The following CUX2 variants were observed in gnomAD, a reference collection of about 807,000 sequenced individuals.
The protein encoded by CUX2 is homeobox protein cut-like 2.
A neutral mutation model predicts 144.8 loss-of-function variants in CUX2; 40 were observed. The ratio of observed to expected loss-of-function variants is 0.28; its 90% CI spans 0.21 to 0.36. The LOEUF is 0.36. CUX2 is among the 10% of genes least tolerant of loss of function. CUX2 has a pLI of 1.00. For missense variants in CUX2, 1,615 were observed against 1,994.0 expected, an observed-to-expected ratio of 0.81 and a Z score of 3.62; for synonymous variants, 827 against 875.6, an observed-to-expected ratio of 0.94 and a Z score of 0.98.
intron 2 of CUX2, among the ~76,000 whole-genome samples, chr12:111,217,469 G>A (rs140044929): frequency 6.6e-6 from 1 of 152,250 alleles, no homozygotes; most frequent in Non-Finnish European, 1.5e-5. Flanking sequence ...TTTAAGGAAG[G>A]GCTTTCATGT....
chr12:111,100,948 G>A (rs1355763885), intron 1 of CUX2, among the ~76,000 whole-genome samples: 1 of 152,182 alleles, frequency 6.6e-6, no homozygotes, highest in African/African-American at 2.4e-5. Context: ...CTCAGCCCCA[G>A]CTCCAGTCAG....
At chr12:111,224,516 C>CTTTTTTTTTT (rs34109440) in intron 3 of CUX2, among the ~76,000 whole-genome samples, 3 of 77,216 alleles carry the variant, frequency 3.9e-5, no homozygotes, top group Non-Finnish European at 7.6e-5. Flanking sequence ...AATTACAGGG[C>CTTTTTTTTTT]TTTTTTTTTT....
chr12:111,105,091 G>C (rs368547222), intron 1 of CUX2, among the ~76,000 whole-genome samples: 1 of 152,156 alleles, frequency 6.6e-6, no homozygotes, highest in Non-Finnish European at 1.5e-5. Flanking sequence ...TGGGCTCATC[G>C]CTATCCCCAG....
chr12:111,050,201 C>T (rs1343990830), intron 1 of CUX2, among the ~76,000 whole-genome samples: 1 of 151,424 alleles, frequency 6.6e-6, no homozygotes, highest in Non-Finnish European at 1.5e-5. Flanking sequence ...ACATTCTCTT[C>T]ATTTTCCTCC....
In CUX2 at chr12:111,158,993, G is replaced by C. The variant is rs572460528; in HGVS notation, c.64-55207G>C. 9.2e-5 allele frequency among the ~76,000 whole-genome samples: 14 copies of C among 152,290 alleles called. No homozygotes were observed. In the South Asian group the frequency reaches 2.5e-3, roughly 27 times the overall value. ...TGAACACAGAGGGGCGCAGGAAATG[G>C]GAGCAAGGTGCTGTCCCTCAGGCCT... On this transcript the variant is annotated intron_variant, in intron 1 of 21. Coordinates refer to ENST00000261726, the MANE Select transcript of CUX2 (RefSeq NM_015267.4).
chr12:111,050,284 C>T (rs1870201660), intron 1 of CUX2, among the ~76,000 whole-genome samples: 1 of 152,028 alleles, frequency 6.6e-6, no homozygotes, highest in African/African-American at 2.4e-5. Context: ...TATGTTGGTC[C>T]TTTCAAGGTC....
chr12:111,173,815 T>C (rs1050190345), intron 1 of CUX2, among the ~76,000 whole-genome samples: 1 of 152,224 alleles, frequency 6.6e-6, no homozygotes, highest in East Asian at 1.9e-4. Context: ...TCAGTAGGTC[T>C]GGAGCCCGTC....
At chr12:111,218,717 C>A (rs1009033820) in intron 3 of CUX2, among the ~76,000 whole-genome samples, 10 of 152,146 alleles carry the variant, frequency 6.6e-5, no homozygotes, top group African/African-American at 9.7e-5. Context: ...ACCAGAAATT[C>A]TTTGCACCAG....
rs900520646 is a variant in CUX2, at chr12:111,171,124, C to T, written c.64-43076C>T. On this transcript the variant is annotated intron_variant, in intron 1 of 21. Coordinates refer to ENST00000261726, the MANE Select transcript of CUX2 (RefSeq NM_015267.4). This position sits in a 1 kb window ranked among gnomAD's most constrained non-coding sequence, Gnocchi z 5.0. ...AGGTGCTGGTAACACCTGGAGTCATCCCAGCAGGTGTCAGTGGCTGATTCC... is the reference window on the plus strand; with the variant it reads ...AGGTGCTGGTAACACCTGGAGTCATTCCAGCAGGTGTCAGTGGCTGATTCC... Among the ~76,000 whole-genome samples, 2 of 152,108 alleles carry T rather than the reference C, an allele frequency of 1.3e-5. No homozygotes were observed. Among genetic ancestry groups the T allele is most frequent in the Non-Finnish European group, 2.9e-5 (2 of 68,030 alleles).
intron 1 of CUX2, among the ~76,000 whole-genome samples, chr12:111,150,190 C>G (rs1003842841): frequency 5.3e-5 from 8 of 152,306 alleles, no homozygotes; most frequent in Non-Finnish European, 8.8e-5. Context: ...CAGCTAAATG[C>G]GAAGTGGCAA....
chr12:111,211,152 T>G (rs908392764), intron 1 of CUX2, among the ~76,000 whole-genome samples: 1 of 152,122 alleles, frequency 6.6e-6, no homozygotes, highest in East Asian at 1.9e-4. Context: ...ATTATTGGTG[T>G]TAGTGTGTTT....
chr12:111,248,490 T>C lies in CUX2; in HGVS notation c.223-15271T>C, dbSNP rs564546942. On this transcript the variant is annotated intron_variant, in intron 3 of 21. Transcript: ENST00000261726. ...AGCCATAGGGGGAGGAGGTGGATGC[T>C]GCCTGGAAGCAGAAGTAGGACAAGG... 9.7e-4 allele frequency among the ~76,000 whole-genome samples: 148 copies of C among 152,068 alleles called. 1 individual carries two copies. Among genetic ancestry groups the C allele is most frequent in the African/African-American group, 3.3e-3 (137 of 41,462 alleles).
chr12:111,075,817 C>T (rs954140461), intron 1 of CUX2, among the ~76,000 whole-genome samples: 7 of 152,042 alleles, frequency 4.6e-5, no homozygotes, highest in Non-Finnish European at 1.0e-4. Flanking sequence ...AGCAAGAGGC[C>T]CCTGCCAGGT....
At chr12:111,098,857 A>G (rs1362910895) in intron 1 of CUX2, among the ~76,000 whole-genome samples, 1 of 152,244 alleles carries the variant, frequency 6.6e-6, no homozygotes, top group Non-Finnish European at 1.5e-5. Flanking sequence ...TGCACTTAGC[A>G]GCCGCCCATG....
At chr12:111,313,943 G>T (rs184588010) in intron 16 of CUX2, among the ~76,000 whole-genome samples, 115 of 152,250 alleles carry the variant, frequency 7.6e-4, no homozygotes, top group Middle Eastern at 3.4e-3. Context: ...TGCAGTGTCT[G>T]CTGCCCCCTG....
In CUX2 at chr12:111,171,610, G is replaced by A. The variant is rs1379658023; in HGVS notation, c.64-42590G>A. Among the ~76,000 whole-genome samples the A allele has an allele frequency of 6.6e-6, 1 of 152,176 alleles. No homozygotes were observed. Among genetic ancestry groups the A allele is most frequent in the Non-Finnish European group, 1.5e-5 (1 of 68,030 alleles). ...CTGACACATCTGGGGCTATGGGACG[G>A]AAAAGCCCAGAGTGCCCTCTCTGAG... On this transcript the variant is annotated intron_variant, in intron 1 of 21. Coordinates refer to ENST00000261726, the MANE Select transcript of CUX2 (RefSeq NM_015267.4). The surrounding 1 kb of genome is among the most constrained non-coding windows in gnomAD (Gnocchi z 5.0).
chr12:111,308,319 T>A lies in CUX2; in HGVS notation c.1144T>A (p.Cys382Ser). The A allele has an allele frequency of 1.9e-6, 3 of 1,614,164 alleles. No individual in the cohort carries two copies. Among genetic ancestry groups the A allele is most frequent in the Non-Finnish European group, 2.5e-6 (3 of 1,180,014 alleles). Residue 382 changes from cysteine (C) to serine (S), a missense_variant, in exon 13 of 22, where the codon TGC becomes AGC. Cys to Ser is a moderately radical substitution (Grantham distance 112). Around this residue, in one of 12 missense-constraint regions of CUX2, gnomAD observed 57 missense variants for 60.8 expected, o/e 0.94. Coordinates refer to ENST00000261726, the MANE Select transcript of CUX2 (RefSeq NM_015267.4). ...AGCCATGAAGCTGGCCTCCAGCACCTGCAGCCTCCCCCAGGTAAGTGTCCC... is the reference window on the plus strand; with the variant it reads ...AGCCATGAAGCTGGCCTCCAGCACCAGCAGCCTCCCCCAGGTAAGTGTCCC... ...LKAMKLASSTCSLPQGMAKPE... is the reference protein window; with the variant it reads ...LKAMKLASSTSSLPQGMAKPE...
At chr12:111,334,762 T>C (rs542528910) in intron 19 of CUX2, 52 bp downstream of exon 19, 2 of 1,532,152 alleles carry the variant, frequency 1.3e-6, no homozygotes, top group African/African-American at 1.4e-5. Context: ...GGTTGGCTCC[T>C]ACTTGCCTTG....
At chr12:111,325,017 G>T (rs1887706396) in intron 18 of CUX2, among the ~76,000 whole-genome samples, 1 of 151,952 alleles carries the variant, frequency 6.6e-6, no homozygotes, top group African/African-American at 2.4e-5. Context: ...CGGGTGGGGT[G>T]CCTCATGCCT....
Sources: allele counts gnomAD v4.1 joint callset (sites outside exome capture counted in the v4.1 genomes callset), GRCh38; gene constraint gnomAD v4.1.1; regional missense constraint gnomAD v4.1.1; non-coding constraint Gnocchi (gnomAD v3.1); transcripts MANE v1.5; gene names NCBI Gene and HGNC (gene_info 2026-07-23, HGNC 2026-07-21).